Variants in ANOS1 observed in about 807,000 individuals in gnomAD.
The protein encoded by ANOS1 is anosmin-1.
A neutral mutation model predicts 59.0 loss-of-function variants in ANOS1; 6 were observed. The observed-to-expected ratio is 0.10, with a 90% CI of 0.06 to 0.20. ANOS1 has a LOEUF of 0.20. Among genes scored for constraint, ANOS1 ranks in the 10% least tolerant of loss-of-function variants. ANOS1 has a pLI of 1.00. For synonymous variants in ANOS1, 217 were observed against 223.4 expected, an observed-to-expected ratio of 0.97 and a Z score of 0.25; for missense variants, 433 against 542.3, an observed-to-expected ratio of 0.80 and a Z score of 2.00.
chrX:8,706,355 G>A (rs1932779828), intron 1 of ANOS1, among the ~76,000 whole-genome samples: 2 of 112,468 alleles, frequency 1.8e-5, no homozygotes, highest in African/African-American at 6.5e-5. Context: ...ACCCACCATA[G>A]ACCTTAACTT....
chrX:8,670,199 T>C (rs1212238914), intron 2 of ANOS1, among the ~76,000 whole-genome samples: 1 of 111,345 alleles, frequency 9.0e-6, no homozygotes, highest in Non-Finnish European at 1.9e-5. Context: ...ATCATTTCCT[T>C]CTTTCCCTGA....
intron 1 of ANOS1, among the ~76,000 whole-genome samples, chrX:8,717,629 C>T (rs1403762944): frequency 9.1e-6 from 1 of 110,333 alleles, no homozygotes; most frequent in Admixed American, 9.7e-5. Flanking sequence ...AGCCAAATGT[C>T]AAAATAGAAA....
At chrX:8,728,580 GCTC>G (rs1932941065) in intron 1 of ANOS1, among the ~76,000 whole-genome samples, 1 of 111,738 alleles carries the variant, frequency 8.9e-6, no homozygotes, top group East Asian at 2.8e-4. Flanking sequence ...CAGACCCACA[GCTC>G]CTCTTCACTC....
chrX:8,540,351 A>G (rs1929663408), intron 9 of ANOS1, among the ~76,000 whole-genome samples: 1 of 111,058 alleles, frequency 9.0e-6, no homozygotes, highest in Non-Finnish European at 1.9e-5. Context: ...TATGCTTCCC[A>G]CTCTCCCTTA....
chrX:8,554,542 G>GTTTTTTTTTTTTTTTT (rs757605733), intron 8 of ANOS1, among the ~76,000 whole-genome samples: 5 of 50,832 alleles, frequency 9.8e-5, no homozygotes, highest in Admixed American at 9.6e-4. Flanking sequence ...GGCTACAGGA[G>GTTTTTTTTTTTTTTTT]TTTTTTTTTT....
chrX:8,719,815 C>CAAA (rs778703188), intron 1 of ANOS1, among the ~76,000 whole-genome samples: 1 of 101,700 alleles, frequency 9.8e-6, no homozygotes, highest in African/African-American at 3.6e-5. Context: ...ACTTGAAAAG[C>CAAA]AAAAAAAAAA....
At chrX:8,664,976 T>C (rs1932110290) in intron 2 of ANOS1, among the ~76,000 whole-genome samples, 1 of 111,816 alleles carries the variant, frequency 8.9e-6, no homozygotes. Context: ...GTGAACACTG[T>C]ATAAGCAGGC....
intron 2 of ANOS1, among the ~76,000 whole-genome samples, chrX:8,669,536 C>T (rs1304845685): frequency 9.0e-6 from 1 of 110,509 alleles, no homozygotes; most frequent in Non-Finnish European, 1.9e-5. Flanking sequence ...TGATGATATT[C>T]AGCATCCAAT....
intron 1 of ANOS1, among the ~76,000 whole-genome samples, chrX:8,727,563 G>A (rs1932930729): frequency 8.9e-6 from 1 of 112,598 alleles, no homozygotes; most frequent in Non-Finnish European, 1.9e-5. Context: ...GGCAGGAGCA[G>A]CTGGCCTATG....
intron 6 of ANOS1, among the ~76,000 whole-genome samples, chrX:8,576,158 G>A (rs962031984): frequency 1.8e-5 from 2 of 110,285 alleles, no homozygotes; most frequent in East Asian, 2.8e-4. Context: ...GAGTGGCAGC[G>A]ATCACCTGTT....
At chrX:8,554,275 A>C (rs922794965) in intron 8 of ANOS1, among the ~76,000 whole-genome samples, 177 bp from the exon 9 acceptor site, 1 of 111,502 alleles carries the variant, frequency 9.0e-6, no homozygotes, top group African/African-American at 3.3e-5. Flanking sequence ...CTGGTTAGAC[A>C]GTGGGTGCAG....
intron 3 of ANOS1, among the ~76,000 whole-genome samples, chrX:8,599,265 A>G (rs1002805074): frequency 8.9e-6 from 1 of 112,204 alleles, no homozygotes; most frequent in East Asian, 2.8e-4. Context: ...ATGAACAAGG[A>G]GGACACTTTC....
intron 3 of ANOS1, among the ~76,000 whole-genome samples, chrX:8,611,864 T>C (rs1931064467): frequency 9.0e-6 from 1 of 111,474 alleles, no homozygotes; most frequent in African/African-American, 3.3e-5. Flanking sequence ...CAGATGAACC[T>C]TGGGGTCTAC....
chrX:8,683,507 TA>T (rs1487074250), intron 2 of ANOS1, among the ~76,000 whole-genome samples: 1 of 111,065 alleles, frequency 9.0e-6, no homozygotes, highest in Admixed American at 9.6e-5. Context: ...AGGATTTAGA[TA>T]GGATCTTAAA....
chrX:8,650,156 T>C (rs1403205399), intron 2 of ANOS1, among the ~76,000 whole-genome samples: 1 of 112,372 alleles, frequency 8.9e-6, no homozygotes, highest in Non-Finnish European at 1.9e-5. Flanking sequence ...GGGTCCCTCC[T>C]GGCATTTCCA....
intron 4 of ANOS1, among the ~76,000 whole-genome samples, chrX:8,593,665 G>A (rs991277404): frequency 1.8e-5 from 2 of 111,451 alleles, no homozygotes; most frequent in Admixed American, 1.9e-4. Context: ...TAGATAGACA[G>A]GTGGATAACA....
chrX:8,644,590 T>C (rs1395243147), intron 2 of ANOS1, among the ~76,000 whole-genome samples: 1 of 112,239 alleles, frequency 8.9e-6, no homozygotes, highest in African/African-American at 3.2e-5. Flanking sequence ...AGAATCGCCT[T>C]CCCTTATTAG....
chrX:8,635,853 T>A (rs950081622), intron 2 of ANOS1, among the ~76,000 whole-genome samples: 15 of 111,603 alleles, frequency 1.3e-4, no homozygotes, highest in Non-Finnish European at 2.3e-4. Context: ...AACTCAAGAA[T>A]CCTGGCAGAG....
chrX:8,602,855 C>T (rs1000356165), intron 3 of ANOS1, among the ~76,000 whole-genome samples: 4 of 110,757 alleles, frequency 3.6e-5, no homozygotes, highest in Non-Finnish European at 7.6e-5. Context: ...TCCCCTGCCT[C>T]GGCCTCCCAA....
Sources: allele counts gnomAD v4.1 joint callset (sites outside exome capture counted in the v4.1 genomes callset), GRCh38; gene constraint gnomAD v4.1.1; transcripts MANE v1.5; gene names NCBI Gene and HGNC (gene_info 2026-07-23, HGNC 2026-07-21).